TMEM132D: variants seen among roughly 807,000 people sequenced by gnomAD.
The protein encoded by TMEM132D is mature OL transmembrane protein.
A neutral mutation model predicts 62.3 loss-of-function variants in TMEM132D; 21 were observed. The ratio of observed to expected loss-of-function variants is 0.34; its 90% confidence interval spans 0.24 to 0.49. TMEM132D has a LOEUF of 0.49. Ranked by LOEUF, TMEM132D falls within the 20% of genes least tolerant of loss-of-function variation. TMEM132D has a pLI of 0.99. For missense variants in TMEM132D, 1,346 were observed against 1,402.8 expected, an observed-to-expected ratio of 0.96 and a Z score of 0.65; for synonymous variants, 621 against 575.6, an observed-to-expected ratio of 1.08 and a Z score of -1.13.
rs1874103535 is a variant in TMEM132D at position 129,072,503 on chromosome 12, T to C, written c.*1372A>G. On this transcript the variant is annotated 3_prime_UTR_variant, in exon 9 of 9. Transcript: ENST00000422113. ...CAGAGTCATGGCTGGTCTTAAGCAA[T>C]GCTGAACCTTTCGGGGCTGACTGCA... 6.6e-6 allele frequency: 1 copy of C among 152,310 alleles called. No homozygotes were observed. Among genetic ancestry groups the C allele is most frequent in the Non-Finnish European group, 1.5e-5 (1 of 68,132 alleles). The allele number at this position is 152,310 out of a possible 1,614,324, so 9.4% of individuals were successfully genotyped here.
intron 3 of TMEM132D, among the ~76,000 whole-genome samples, chr12:129,441,925 G>A (rs755480936): frequency 9.9e-5 from 15 of 152,132 alleles, no homozygotes; most frequent in Non-Finnish European, 4.4e-5. Flanking sequence ...TTATGAGAGC[G>A]GTGCACTGGG....
At chr12:129,609,552 T>A (rs1878715579) in intron 2 of TMEM132D, among the ~76,000 whole-genome samples, 1 of 152,098 alleles carries the variant, frequency 6.6e-6, no homozygotes, top group African/African-American at 2.4e-5. Context: ...TCAGCCTTGA[T>A]CAAATCTTGA....
intron 2 of TMEM132D, among the ~76,000 whole-genome samples, chr12:129,666,127 T>C (rs1347419962): frequency 6.6e-6 from 1 of 152,200 alleles, no homozygotes; most frequent in Non-Finnish European, 1.5e-5. Context: ...GGATCTGGTA[T>C]GAAATGGCAC....
Position 129,700,389 on chromosome 12 carries a change from T to C in TMEM132D, c.389A>G (p.Lys130Arg). 1 of 1,614,166 alleles carries C rather than the reference T, an allele frequency of 6.2e-7. No individual in the cohort carries two copies. The highest frequency in any genetic ancestry group is 8.5e-7 in the Non-Finnish European group (1 of 1,180,038). Residue 130 changes from lysine to arginine, a missense_variant, in exon 2 of 9, where the codon AAA becomes AGA. Physicochemically the swap from Lys to Arg is conservative, Grantham distance 26. Transcript: ENST00000422113. ...GACTTTGTCCCGCAGGATGTGGGCT[T>C]TTAGTTTCCAGTTAAGAGAAAATTT... is the stretch of plus-strand genomic sequence containing the variant. Reference protein sequence around the residue: ...TNKFSLNWKLKAHILRDKVYL... With the variant: ...TNKFSLNWKLRAHILRDKVYL...
At chr12:129,354,209 C>T (rs1320498306) in intron 3 of TMEM132D, among the ~76,000 whole-genome samples, 1 of 151,890 alleles carries the variant, frequency 6.6e-6, no homozygotes, top group Non-Finnish European at 1.5e-5. Context: ...CCTCAGCAGA[C>T]CTCAAGGCCA....
intron 3 of TMEM132D, among the ~76,000 whole-genome samples, chr12:129,418,549 G>C (rs902041333): frequency 2.0e-5 from 3 of 151,994 alleles, no homozygotes; most frequent in African/African-American, 7.2e-5. Context: ...ATCACACACC[G>C]GGGCCTGTTG....
rs1394496492 is a variant in TMEM132D at position 129,125,660 on chromosome 12, C to CTTTTCTT, written c.1444-40965_1444-40959dup. 4.6e-5 allele frequency among the ~76,000 whole-genome samples: 7 copies of CTTTTCTT among 151,500 alleles called. No individual in the cohort carries two copies. In the East Asian group the frequency reaches 1.4e-3, roughly 29 times the overall value. On this transcript the variant is annotated intron_variant, in intron 5 of 8. Transcript: ENST00000422113. ...GTACAAACATGTTTGGTCAATTTTT[C>CTTTTCTT]TTTTCTTTTTTCTTTTTTTTTTGGT...
At chr12:129,517,187 C>T (rs752595900) in intron 3 of TMEM132D, among the ~76,000 whole-genome samples, 8 of 152,054 alleles carry the variant, frequency 5.3e-5, no homozygotes, top group Non-Finnish European at 1.0e-4. Flanking sequence ...ATTCAGCCCA[C>T]CACAGAAAGT....
At chr12:129,471,595 A>G (rs985336206) in intron 3 of TMEM132D, among the ~76,000 whole-genome samples, 4 of 152,218 alleles carry the variant, frequency 2.6e-5, no homozygotes, top group Non-Finnish European at 5.9e-5. Flanking sequence ...GTTCCAGGGA[A>G]AGGAAGGCTC....
rs1251513354 is a variant in TMEM132D at position 129,903,629 on chromosome 12, G to A, written c.-290C>T. The A allele has an allele frequency of 2.4e-6, 1 of 417,626 alleles. No individual in the cohort carries two copies. Among genetic ancestry groups the A allele is most frequent in the African/African-American group, 2.1e-5 (1 of 47,894 alleles). The allele number at this position is 417,626 out of a possible 1,614,324, so 25.9% of individuals were successfully genotyped here. On this transcript the variant is annotated 5_prime_UTR_variant, in exon 1 of 9. Transcript: ENST00000422113. The surrounding 1 kb of genome is among the most constrained non-coding windows in gnomAD (Gnocchi z 6.2). Reference sequence around the variant, plus strand: ...ATTTTTTTTAAATTTTAATCCACAGGGGGTATTTCCTTTCCTGTTTACCCG... The same window carrying A: ...ATTTTTTTTAAATTTTAATCCACAGAGGGTATTTCCTTTCCTGTTTACCCG...
chr12:129,476,248 G>C (rs752197439), intron 3 of TMEM132D, among the ~76,000 whole-genome samples: 1 of 152,190 alleles, frequency 6.6e-6, no homozygotes, highest in Non-Finnish European at 1.5e-5. Flanking sequence ...ACGGTGGGAG[G>C]AAACATTCTG....
At chr12:129,256,408 C>T (rs1038105439) in intron 4 of TMEM132D, among the ~76,000 whole-genome samples, 2 of 151,898 alleles carry the variant, frequency 1.3e-5, no homozygotes, top group African/African-American at 2.4e-5. Flanking sequence ...TTCTGGGTAT[C>T]CAGAGTAAAA....
chr12:129,839,395 G>A (rs551470235), intron 1 of TMEM132D, among the ~76,000 whole-genome samples: 1 of 151,616 alleles, frequency 6.6e-6, no homozygotes, highest in African/African-American at 2.4e-5. Context: ...CAAAGTACTG[G>A]GATTACAGGT....
intron 4 of TMEM132D, chr12:129,210,965 T>A (rs1467451608): frequency 6.6e-6 from 1 of 152,290 alleles, no homozygotes; most frequent in Non-Finnish European, 1.5e-5. Context: ...TCCTCTAGAA[T>A]TCTTGTGATT....
chr12:129,188,131 T>A (rs931959480), intron 5 of TMEM132D, among the ~76,000 whole-genome samples: 1 of 152,226 alleles, frequency 6.6e-6, no homozygotes, highest in East Asian at 1.9e-4. Flanking sequence ...GAAGACTGTT[T>A]TCTATCCCTT....
chr12:129,556,915 G>A (rs1377348960), intron 2 of TMEM132D, among the ~76,000 whole-genome samples: 2 of 152,090 alleles, frequency 1.3e-5, no homozygotes, highest in African/African-American at 4.8e-5. Flanking sequence ...GTATCCCCAG[G>A]CACATTTTAA....
chr12:129,337,223 G>A (rs1869310665), intron 4 of TMEM132D, among the ~76,000 whole-genome samples: 2 of 151,978 alleles, frequency 1.3e-5, no homozygotes, highest in Non-Finnish European at 2.9e-5. Flanking sequence ...AAATGTCTCA[G>A]CACATTTCAC....
At chr12:129,523,737 A>G (rs1198282021) in intron 3 of TMEM132D, among the ~76,000 whole-genome samples, 1 of 152,214 alleles carries the variant, frequency 6.6e-6, no homozygotes, top group Non-Finnish European at 1.5e-5. Context: ...GCTACTGTAT[A>G]ATGAGATTGA....
At chr12:129,372,364 G>A (rs1870635682) in intron 3 of TMEM132D, among the ~76,000 whole-genome samples, 1 of 152,198 alleles carries the variant, frequency 6.6e-6, no homozygotes, top group Middle Eastern at 3.2e-3. Context: ...TGAGTGGTGG[G>A]CTAGCAAGTG....
Sources: gnomAD v4.1 joint callset for allele counts (sites outside exome capture counted in the v4.1 genomes callset) on GRCh38, gnomAD v4.1.1 for gene constraint, Gnocchi (gnomAD v3.1) non-coding constraint, MANE v1.5 for transcripts, NCBI Gene and HGNC (gene_info 2026-07-23, HGNC 2026-07-21) for gene names.